Variants in AGPAT3 observed in about 807,000 individuals in gnomAD.
The protein encoded by AGPAT3 is 1-acyl-sn-glycerol-3-phosphate acyltransferase gamma.
Under a neutral mutation model 47.3 loss-of-function variants are expected in AGPAT3, and 5 were observed. The observed-to-expected ratio is 0.11, with a 90% CI of 0.06 to 0.22. The LOEUF is 0.22. Among genes scored for constraint, AGPAT3 ranks in the 10% least tolerant of loss-of-function variants. AGPAT3 has a pLI of 1.00. For missense variants in AGPAT3, 315 were observed against 493.0 expected (o/e 0.64, Z 3.42); for synonymous variants, 212 against 208.3 (o/e 1.02, Z -0.15).
chr21:43,932,117 G>A lies in AGPAT3; in HGVS notation c.-48-27517G>A, dbSNP rs924947817. 7.9e-5 allele frequency among the ~76,000 whole-genome samples: 12 copies of A among 152,188 alleles called. No individual in the cohort carries two copies. The highest frequency in any genetic ancestry group is 1.6e-4 in the Non-Finnish European group (11 of 68,042). On this transcript the variant is annotated intron_variant, in intron 2 of 9. Coordinates refer to ENST00000291572, the MANE Select transcript of AGPAT3 (RefSeq NM_020132.5). The surrounding 1 kb of genome is among the most constrained non-coding windows in gnomAD (Gnocchi z 5.2). Reference sequence around the variant, plus strand: ...GCTCACCAACATCGTTTTTGGTGGTGTGGATGTTAAAAATCTATTCTTTCC... The same window carrying A: ...GCTCACCAACATCGTTTTTGGTGGTATGGATGTTAAAAATCTATTCTTTCC...
intron 2 of AGPAT3, among the ~76,000 whole-genome samples, chr21:43,942,596 A>G (rs1159677840): frequency 6.6e-6 from 1 of 152,226 alleles, no homozygotes; most frequent in East Asian, 1.9e-4. Context: ...CTCGGTCCAC[A>G]TGAAAAGAGC....
At chr21:43,978,969 TATC>T (rs1441151175) in intron 8 of AGPAT3, among the ~76,000 whole-genome samples, 17 of 152,058 alleles carry the variant, frequency 1.1e-4, no homozygotes, top group Non-Finnish European at 5.9e-5. Flanking sequence ...ATGTAAAAAA[TATC>T]ATCGTAAATG....
intron 1 of AGPAT3, among the ~76,000 whole-genome samples, chr21:43,872,035 C>T (rs946600231): frequency 1.3e-5 from 2 of 152,106 alleles, no homozygotes; most frequent in African/African-American, 4.8e-5. Context: ...CTGCTTAAGC[C>T]CTTTATCTCT....
chr21:43,928,758 G>A (rs1241629619), intron 2 of AGPAT3, among the ~76,000 whole-genome samples: 2 of 152,214 alleles, frequency 1.3e-5, no homozygotes, highest in Non-Finnish European at 2.9e-5. Context: ...AGACGTCATC[G>A]GATTTACTGA....
chr21:43,945,784 G>A (rs139685571), intron 2 of AGPAT3, among the ~76,000 whole-genome samples: 13 of 152,152 alleles, frequency 8.5e-5, no homozygotes, highest in African/African-American at 2.9e-4. Flanking sequence ...CATTTCAATC[G>A]GTAAATAATG....
At chr21:43,897,242 C>T (rs948729174) in intron 1 of AGPAT3, among the ~76,000 whole-genome samples, 12 of 152,084 alleles carry the variant, frequency 7.9e-5, no homozygotes, top group African/African-American at 2.9e-4. Flanking sequence ...TGAGTGGACA[C>T]AGCACATGTT....
chr21:43,897,562 A>C (rs76090209), intron 1 of AGPAT3, among the ~76,000 whole-genome samples: 7,673 of 138,122 alleles, frequency 0.056, 426 homozygotes, highest in African/African-American at 0.16. Flanking sequence ...GCGGCCGGGC[A>C]GAGGCGCTCC....
Position 43,981,311 on chromosome 21 carries a change from T to C in AGPAT3, c.1042+124T>C. 1 of 1,070,024 alleles carries C rather than the reference T, an allele frequency of 9.3e-7. No homozygotes were observed. The highest frequency in any genetic ancestry group is 1.4e-6 in the Non-Finnish European group (1 of 720,962). The allele number at this position is 1,070,024 out of a possible 1,614,324, so 66.3% of individuals were successfully genotyped here. A position where few individuals can be genotyped will look rare whatever the true frequency, so the allele number is the denominator to read the frequency against. Reference sequence around the variant, plus strand: ...GCAGGGGCCTGGCTGTTATGGACCCTGGAGCCAGGATCCCCCCACGGCCTG... The same window carrying C: ...GCAGGGGCCTGGCTGTTATGGACCCCGGAGCCAGGATCCCCCCACGGCCTG... On this transcript the variant is annotated intron_variant, in intron 9 of 9. Coordinates refer to ENST00000291572, the MANE Select transcript of AGPAT3 (RefSeq NM_020132.5). The surrounding 1 kb of genome is among the most constrained non-coding windows in gnomAD (Gnocchi z 5.3).
rs182293095 is a variant in AGPAT3, at chr21:43,968,470, G to A, written c.348+355G>A. On this transcript the variant is annotated intron_variant, in intron 4 of 9. Transcript: ENST00000291572. The stretch of plus-strand genomic sequence containing the variant: ...GGTGGGGGAGGTACTGGGTGGAGCA[G>A]TGGGGGTCCCAGCAGAGGAGCTGGG... Among the ~76,000 whole-genome samples, 686 of 151,770 alleles carry A rather than the reference G, an allele frequency of 4.5e-3. 5 individuals carry two copies. The highest frequency in any genetic ancestry group is 0.01 in the Middle Eastern group (3 of 294).
At position 43,958,983 on chromosome 21, in the gene AGPAT3, G is replaced by A. The variant is rs368725203; in HGVS notation, c.-48-651G>A. On this transcript the variant is annotated intron_variant, in intron 2 of 9. Coordinates refer to ENST00000291572, the MANE Select transcript of AGPAT3 (RefSeq NM_020132.5). ...GTTTTGCGGTGTGTGTGGCATGTGT[G>A]TGGTTTGCGGTGTGTGTGTAGCATG... 9.7e-4 allele frequency among the ~76,000 whole-genome samples: 144 copies of A among 148,542 alleles called. 4 individuals carry two copies. The South Asian group carries it at 0.031, about 32-fold the overall frequency.
At chr21:43,890,366 G>A (rs2086076257) in intron 1 of AGPAT3, among the ~76,000 whole-genome samples, 1 of 152,166 alleles carries the variant, frequency 6.6e-6, no homozygotes, top group Admixed American at 6.5e-5. Context: ...CTGAAACAGG[G>A]TGGAGAATTG....
chr21:43,902,541 G>A (rs936803868), intron 1 of AGPAT3, among the ~76,000 whole-genome samples: 9 of 152,246 alleles, frequency 5.9e-5, no homozygotes, highest in African/African-American at 2.2e-4. Context: ...GCTGGTGAGG[G>A]CCTCTTCCTG....
rs535431860 is a variant in AGPAT3 at position 43,939,847 on chromosome 21, C to G, written c.-48-19787C>G. 6.6e-6 allele frequency among the ~76,000 whole-genome samples: 1 copy of G among 152,324 alleles called. No homozygotes were observed. The highest frequency in any genetic ancestry group is 2.1e-4 in the South Asian group (1 of 4,828). The stretch of plus-strand genomic sequence containing the variant: ...TGGGGTGGGGCTCGTTGACCTGCAT[C>G]CTGGCTGGCCCTGTGACTCTGCCTG... On this transcript the variant is annotated intron_variant, in intron 2 of 9. Transcript: ENST00000291572. The surrounding 1 kb of genome is among the most constrained non-coding windows in gnomAD (Gnocchi z 4.4).
rs1320495490 is a variant in AGPAT3, at chr21:43,865,237, C to G, written c.-220C>G. 6.8e-6 allele frequency: 1 copy of G among 147,178 alleles called. No individual in the cohort carries two copies. The allele number at this position is 147,178 out of a possible 1,614,324, so 9.1% of individuals were successfully genotyped here. A position where few individuals can be genotyped will look rare whatever the true frequency, so the allele number is the denominator to read the frequency against. ...GCGGGCGCCGCACTCGCTGAGGCCC[C>G]GACGCAGGGCCGGGCCGGGCCCAGG... On this transcript the variant is annotated 5_prime_UTR_variant, in exon 1 of 10. Coordinates refer to ENST00000291572, the MANE Select transcript of AGPAT3 (RefSeq NM_020132.5).
Position 43,987,422 on chromosome 21 carries a change from T to C in AGPAT3, c.*5030T>C, listed in dbSNP as rs2030398958. Among the ~76,000 whole-genome samples, 1 of 152,164 alleles carries C rather than the reference T, an allele frequency of 6.6e-6. No homozygotes were observed. The highest frequency in any genetic ancestry group is 2.4e-5 in the African/African-American group (1 of 41,426). ...AAAAATACGCAAAATGACCTGATGA[T>C]GTCCAAAAAAGGGTTTTAAAAGCGA... On this transcript the variant is annotated 3_prime_UTR_variant, in exon 10 of 10. Coordinates refer to ENST00000291572, the MANE Select transcript of AGPAT3 (RefSeq NM_020132.5).
intron 8 of AGPAT3, 62 bp from the exon 9 acceptor site, chr21:43,980,927 G>T: frequency 1.4e-6 from 2 of 1,429,528 alleles, no homozygotes; most frequent in Non-Finnish European, 2.0e-6. Flanking sequence ...ATCTTCTCCT[G>T]CATTGAAATA....
chr21:43,979,824 G>T (rs971659669), intron 8 of AGPAT3, among the ~76,000 whole-genome samples: 4 of 152,202 alleles, frequency 2.6e-5, no homozygotes, highest in Non-Finnish European at 4.4e-5. Flanking sequence ...GCCAGGACAC[G>T]ATGACACCTG....
chr21:43,872,890 A>G (rs1419967878), intron 1 of AGPAT3, among the ~76,000 whole-genome samples: 4 of 152,238 alleles, frequency 2.6e-5, no homozygotes, highest in Admixed American at 6.5e-5. Context: ...GAGAAATACA[A>G]ACAAAGTGAC....
intron 2 of AGPAT3, among the ~76,000 whole-genome samples, chr21:43,921,997 C>A (rs574580341): frequency 3.3e-5 from 5 of 152,310 alleles, no homozygotes; most frequent in Middle Eastern, 3.4e-3. Context: ...TTCCTGATTT[C>A]TCTGTCTCTC....
Sources: gnomAD v4.1 joint callset for allele counts (sites outside exome capture counted in the v4.1 genomes callset) on GRCh38, gnomAD v4.1.1 for gene constraint, Gnocchi (gnomAD v3.1) non-coding constraint, MANE v1.5 for transcripts, NCBI Gene and HGNC (gene_info 2026-07-23, HGNC 2026-07-21) for gene names.